Variants in DYNC1I1 observed in about 807,000 individuals in gnomAD.
The protein encoded by DYNC1I1 is cytoplasmic dynein 1 intermediate chain 1.
Under a neutral mutation model 86.6 loss-of-function variants are expected in DYNC1I1, and 43 were observed. That is an observed-to-expected ratio of 0.50 (90% CI 0.39 to 0.64). The LOEUF is 0.64. Among genes scored for constraint, DYNC1I1 ranks in the 30% least tolerant of loss-of-function variants. The probability of loss-of-function intolerance (pLI) is 0.00; values close to 1 mark genes in which losing one functional copy is unlikely to be tolerated. For synonymous variants in DYNC1I1, 262 were observed against 283.7 expected, an observed-to-expected ratio of 0.92 and a Z score of 0.77; for missense variants, 604 against 788.8, an observed-to-expected ratio of 0.77 and a Z score of 2.81.
At chr7:95,839,218 A>G (rs2116002505) in intron 5 of DYNC1I1, among the ~76,000 whole-genome samples, 1 of 152,124 alleles carries the variant, frequency 6.6e-6, no homozygotes, top group Middle Eastern at 3.4e-3. Context: ...TTTAGTAGAG[A>G]TGCAGTTTCA....
chr7:95,820,888 A>G (rs1160652997), intron 4 of DYNC1I1, among the ~76,000 whole-genome samples: 1 of 152,186 alleles, frequency 6.6e-6, no homozygotes, highest in Non-Finnish European at 1.5e-5. Flanking sequence ...AGTGGTCAGC[A>G]TTTTTATTAG....
At chr7:95,964,703 A>C (rs1203434570) in intron 6 of DYNC1I1, among the ~76,000 whole-genome samples, 1 of 152,204 alleles carries the variant, frequency 6.6e-6, no homozygotes, top group Non-Finnish European at 1.5e-5. Flanking sequence ...GCAATTAAAA[A>C]ACAAGTGAAG....
At chr7:96,006,612 A>G (rs1794149112) in intron 10 of DYNC1I1, among the ~76,000 whole-genome samples, 1 of 152,216 alleles carries the variant, frequency 6.6e-6, no homozygotes, top group Non-Finnish European at 1.5e-5. Context: ...GTAAAACATC[A>G]CAAATTTGGA....
At position 95,929,400 on chromosome 7, in the gene DYNC1I1, CT is replaced by C. The variant is rs369430270; in HGVS notation, c.491-48107del. ...TATTACATAAAATGATATGGTTTTG[CT>C]TTTTATACTCATCTCTCCTACTTGA... On this transcript the variant is annotated intron_variant, in intron 6 of 16. Coordinates refer to ENST00000447467, the MANE Select transcript of DYNC1I1 (RefSeq NM_001135556.2). Among the ~76,000 whole-genome samples, 94 of 152,104 alleles carry C rather than the reference CT, an allele frequency of 6.2e-4. 2 individuals are homozygous for C. In the East Asian group the frequency reaches 0.016, roughly 27 times the overall value.
chr7:96,092,233 T>G (rs561919261), intron 16 of DYNC1I1, among the ~76,000 whole-genome samples: 5 of 150,956 alleles, frequency 3.3e-5, no homozygotes, highest in African/African-American at 1.2e-4. Flanking sequence ...AAAGAGAATA[T>G]GCAAGGAAGA....
intron 16 of DYNC1I1, among the ~76,000 whole-genome samples, chr7:96,094,486 G>A (rs930568472): frequency 6.6e-6 from 1 of 152,172 alleles, no homozygotes; most frequent in Admixed American, 6.5e-5. Flanking sequence ...TGTCCAAACA[G>A]ATGCCATTTA....
chr7:95,943,795 T>C (rs1030931420), intron 6 of DYNC1I1, among the ~76,000 whole-genome samples: 4 of 151,158 alleles, frequency 2.6e-5, no homozygotes, highest in African/African-American at 9.7e-5. Flanking sequence ...ATTTAATAAA[T>C]GGTGCTGAGA....
At chr7:95,871,028 C>T (rs1260991665) in intron 6 of DYNC1I1, among the ~76,000 whole-genome samples, 1 of 151,944 alleles carries the variant, frequency 6.6e-6, no homozygotes, top group Non-Finnish European at 1.5e-5. Context: ...AGCATTTCCC[C>T]CTTAGTGATT....
intron 6 of DYNC1I1, among the ~76,000 whole-genome samples, chr7:95,896,434 C>G (rs1790885012): frequency 6.6e-6 from 1 of 152,168 alleles, no homozygotes; most frequent in South Asian, 2.1e-4. Flanking sequence ...GATATCAAGC[C>G]TTAACACTGA....
intron 1 of DYNC1I1, among the ~76,000 whole-genome samples, chr7:95,785,755 G>T (rs937314264): frequency 8.5e-6 from 1 of 117,126 alleles, no homozygotes; most frequent in Non-Finnish European, 1.9e-5. Flanking sequence ...ATGTGTGTAT[G>T]TATATATATG....
chr7:95,892,030 T>G (rs1790753115), intron 6 of DYNC1I1, among the ~76,000 whole-genome samples: 1 of 152,140 alleles, frequency 6.6e-6, no homozygotes, highest in African/African-American at 2.4e-5. Flanking sequence ...TGCAGTAGCA[T>G]CATTTCGGCT....
intron 10 of DYNC1I1, among the ~76,000 whole-genome samples, chr7:96,024,536 G>T: frequency 6.6e-6 from 1 of 151,978 alleles, no homozygotes; most frequent in East Asian, 1.9e-4. Flanking sequence ...GTATAACAAG[G>T]CAAGGAAACT....
chr7:95,979,512 G>T (rs1388255993), intron 7 of DYNC1I1, among the ~76,000 whole-genome samples: 1 of 152,184 alleles, frequency 6.6e-6, no homozygotes, highest in Non-Finnish European at 1.5e-5. Flanking sequence ...GCCCTTGGGG[G>T]CCCCAGCTCT....
intron 10 of DYNC1I1, among the ~76,000 whole-genome samples, chr7:96,000,436 G>T (rs1243099048): frequency 1.3e-5 from 2 of 152,068 alleles, no homozygotes; most frequent in East Asian, 3.9e-4. Context: ...TGACATAAAG[G>T]TAAAATTAAA....
intron 16 of DYNC1I1, among the ~76,000 whole-genome samples, chr7:96,081,466 C>T (rs1162274764): frequency 1.3e-5 from 2 of 152,024 alleles, no homozygotes; most frequent in Non-Finnish European, 2.9e-5. Flanking sequence ...AAAGTGTTGA[C>T]CAAAACCTTC....
intron 6 of DYNC1I1, among the ~76,000 whole-genome samples, chr7:95,970,444 C>A (rs1277628907): frequency 6.6e-6 from 1 of 152,122 alleles, no homozygotes; most frequent in Non-Finnish European, 1.5e-5. Flanking sequence ...AGGGTCAAGC[C>A]ATCCCCAGAG....
intron 14 of DYNC1I1, among the ~76,000 whole-genome samples, chr7:96,061,623 C>G (rs542047941): frequency 1.1e-4 from 17 of 151,942 alleles, no homozygotes; most frequent in East Asian, 1.9e-4. Context: ...CCGTTCACCC[C>G]CAGAGTGCTT....
intron 5 of DYNC1I1, among the ~76,000 whole-genome samples, chr7:95,861,093 T>A (rs1377879962): frequency 6.6e-6 from 1 of 152,120 alleles, no homozygotes; most frequent in Non-Finnish European, 1.5e-5. Flanking sequence ...ATGACCCCTT[T>A]TGGTTTCCTG....
chr7:95,785,787 A>G (rs879691430), intron 1 of DYNC1I1, among the ~76,000 whole-genome samples: 9,246 of 55,378 alleles, frequency 0.17, 592 homozygotes, highest in African/African-American at 0.38. Flanking sequence ...ATATATATAT[A>G]TATATATATA....
Sources: gnomAD v4.1 joint callset for allele counts (sites outside exome capture counted in the v4.1 genomes callset) on GRCh38, gnomAD v4.1.1 for gene constraint, MANE v1.5 for transcripts, NCBI Gene and HGNC (gene_info 2026-07-23, HGNC 2026-07-21) for gene names.